Variants in PTPRT observed in about 807,000 individuals in gnomAD.
PTPRT encodes the protein protein tyrosine phosphatase receptor type T, also known as receptor-type tyrosine-protein phosphatase T.
PTPRT carries 56 observed loss-of-function variants against 176.8 expected under a neutral mutation model. The observed-to-expected ratio is 0.32, with a 90% confidence interval of 0.26 to 0.40. PTPRT has a LOEUF of 0.40. Among genes scored for constraint, PTPRT ranks in the 10% least tolerant of loss-of-function variants. The pLI is 1.00. For missense variants in PTPRT, 1,540 were observed against 1,908.2 expected (o/e 0.81, Z 3.60); for synonymous variants, 783 against 739.0 (o/e 1.06, Z -0.96).
chr20:42,973,779 C>T (rs1026644745), intron 1 of PTPRT, among the ~76,000 whole-genome samples: 1 of 152,204 alleles, frequency 6.6e-6, no homozygotes, highest in African/African-American at 2.4e-5. Flanking sequence ...CACACACCTG[C>T]TCAAATAATT....
At chr20:42,184,595 C>CTTCTTCTTCTTCTTCTTCTTCT (rs1990684333) in intron 16 of PTPRT, among the ~76,000 whole-genome samples, 28 of 29,410 alleles carry the variant, frequency 9.5e-4, no homozygotes, top group Non-Finnish European at 1.5e-3. Context: ...CTTCTTCTTC[C>CTTCTTCTTCTTCTTCTTCTTCT]TCTTCTTCTT....
At chr20:43,139,592 C>G (rs2146397028) in intron 1 of PTPRT, among the ~76,000 whole-genome samples, 1 of 152,310 alleles carries the variant, frequency 6.6e-6, no homozygotes, top group East Asian at 1.9e-4. Flanking sequence ...CCCTCGACAG[C>G]AACAGAAGGC....
chr20:42,870,477 T>C (rs2078825597), intron 2 of PTPRT, among the ~76,000 whole-genome samples: 1 of 152,242 alleles, frequency 6.6e-6, no homozygotes, highest in South Asian at 2.1e-4. Context: ...AGTGTGTAAA[T>C]ATATTTTCAA....
chr20:42,572,535 C>T (rs372448862), intron 7 of PTPRT, among the ~76,000 whole-genome samples: 1 of 152,216 alleles, frequency 6.6e-6, no homozygotes, highest in East Asian at 1.9e-4. Context: ...TTCTTGTTGG[C>T]CCCAACATCT....
intron 6 of PTPRT, among the ~76,000 whole-genome samples, chr20:42,683,669 G>A (rs920951753): frequency 6.6e-6 from 1 of 152,194 alleles, no homozygotes; most frequent in African/African-American, 2.4e-5. Flanking sequence ...TAGGCACAGA[G>A]TAGATGTTCA....
chr20:42,696,692 T>A (rs1038819577), intron 6 of PTPRT, among the ~76,000 whole-genome samples: 3 of 152,062 alleles, frequency 2.0e-5, no homozygotes, highest in African/African-American at 7.2e-5. Flanking sequence ...CCTGACCTCA[T>A]GATCCACCTG....
chr20:42,239,324 T>C (rs1156844202), intron 14 of PTPRT, among the ~76,000 whole-genome samples: 3 of 151,984 alleles, frequency 2.0e-5, no homozygotes, highest in Non-Finnish European at 2.9e-5. Flanking sequence ...ATGGAGACAC[T>C]GAGGCAAACA....
chr20:42,945,056 A>AC (rs1263641751), intron 1 of PTPRT, among the ~76,000 whole-genome samples: 1 of 148,940 alleles, frequency 6.7e-6, no homozygotes, highest in Non-Finnish European at 1.5e-5. Flanking sequence ...GTTATATAGT[A>AC]TTTATATATA....
chr20:42,608,790 AAGG>A (rs1384296357), intron 7 of PTPRT, among the ~76,000 whole-genome samples: 6 of 152,144 alleles, frequency 3.9e-5, no homozygotes, highest in Non-Finnish European at 5.9e-5. Flanking sequence ...GTGAGTTCTG[AAGG>A]AGAAGATCTT....
chr20:42,805,567 G>A (rs1454420411), intron 2 of PTPRT, among the ~76,000 whole-genome samples: 5 of 152,252 alleles, frequency 3.3e-5, no homozygotes, highest in African/African-American at 7.2e-5. Context: ...GACAGTTTGC[G>A]GAGATGAAAA....
In PTPRT at chr20:42,918,304, C is replaced by T. The variant is rs200415789; in HGVS notation, c.89-32372G>A. On this transcript the variant is annotated intron_variant, in intron 1 of 30. Coordinates refer to ENST00000373187, the MANE Select transcript of PTPRT (RefSeq NM_007050.6). Reference sequence around the variant, plus strand: ...AAGAAATCCCCCCATCTCCAGGTAACAGCTTACGGCAAAGAACCACCTTTC... The same window carrying T: ...AAGAAATCCCCCCATCTCCAGGTAATAGCTTACGGCAAAGAACCACCTTTC... Among the ~76,000 whole-genome samples, 11 of 152,300 alleles carry T rather than the reference C, an allele frequency of 7.2e-5. No homozygotes were observed. The East Asian group carries it at 1.7e-3, about 24-fold the overall frequency.
chr20:42,517,152 C>G (rs1458388018), intron 7 of PTPRT, among the ~76,000 whole-genome samples: 1 of 151,898 alleles, frequency 6.6e-6, no homozygotes, highest in African/African-American at 2.4e-5. Flanking sequence ...CCTATTAAAT[C>G]ATTTGTACCT....
intron 9 of PTPRT, among the ~76,000 whole-genome samples, chr20:42,396,758 C>T (rs1165844227): frequency 6.6e-6 from 1 of 152,168 alleles, no homozygotes; most frequent in East Asian, 1.9e-4. Flanking sequence ...GACGGGGTTT[C>T]ACCATGTTGG....
intron 15 of PTPRT, 42 bp downstream of exon 15, chr20:42,236,187 T>C (rs777048277): frequency 1.3e-6 from 2 of 1,541,372 alleles, no homozygotes; most frequent in East Asian, 2.3e-5. Context: ...ACAGGTTCCC[T>C]TACAGGGCAC....
intron 1 of PTPRT, among the ~76,000 whole-genome samples, chr20:43,088,672 T>C (rs568746596): frequency 7.9e-5 from 12 of 152,238 alleles, no homozygotes; most frequent in African/African-American, 2.9e-4. Flanking sequence ...GCTCAAACCC[T>C]CTGCCCAACC....
intron 9 of PTPRT, among the ~76,000 whole-genome samples, chr20:42,440,320 A>C (rs943898338): frequency 6.6e-6 from 1 of 152,168 alleles, no homozygotes; most frequent in East Asian, 1.9e-4. Context: ...AATTAGTTAG[A>C]CAAAAATAAT....
intron 7 of PTPRT, among the ~76,000 whole-genome samples, chr20:42,561,157 A>G (rs892232656): frequency 1.3e-5 from 2 of 152,200 alleles, no homozygotes; most frequent in African/African-American, 4.8e-5. Context: ...TCCCTTGGAA[A>G]TATAACCTTA....
At chr20:42,224,827 A>G (rs1443057263) in intron 15 of PTPRT, among the ~76,000 whole-genome samples, 1 of 152,176 alleles carries the variant, frequency 6.6e-6, no homozygotes, top group African/African-American at 2.4e-5. Flanking sequence ...GGCATTGTTC[A>G]GAATATGGTG....
chr20:42,490,973 T>C (rs1001295783), intron 7 of PTPRT, among the ~76,000 whole-genome samples: 3 of 152,194 alleles, frequency 2.0e-5, no homozygotes, highest in African/African-American at 4.8e-5. Context: ...GGGGTAATTA[T>C]AAGTAAATCT....
Sources: gnomAD v4.1 joint callset for allele counts (sites outside exome capture counted in the v4.1 genomes callset) on GRCh38, gnomAD v4.1.1 for gene constraint, MANE v1.5 for transcripts, NCBI Gene and HGNC (gene_info 2026-07-23, HGNC 2026-07-21) for gene names.